Variants in GPC5 observed in about 807,000 individuals in gnomAD.
GPC5 encodes the protein glypican-5.
GPC5 carries 47 observed loss-of-function variants against 53.9 expected under a neutral mutation model. The ratio of observed to expected loss-of-function variants is 0.87; its 90% CI spans 0.69 to 1.11. The LOEUF (loss-of-function observed/expected upper bound fraction) is 1.11, where lower values mean the gene tolerates loss of function less well. GPC5 is among the 50% of genes most tolerant of loss of function. The pLI, the probability that GPC5 is intolerant of heterozygous loss-of-function variation, is 0.00. For missense variants in GPC5, 748 were observed against 713.1 expected (o/e 1.05, Z -0.56); for synonymous variants, 286 against 263.3 (o/e 1.09, Z -0.84).
At chr13:91,749,819 T>C (rs1020126591) in intron 4 of GPC5, among the ~76,000 whole-genome samples, 2 of 152,218 alleles carry the variant, frequency 1.3e-5, no homozygotes, top group Non-Finnish European at 2.9e-5. Flanking sequence ...GGAAGTGGTA[T>C]TTTTTGGAGA....
chr13:91,999,248 G>A (rs1186224907), intron 6 of GPC5, among the ~76,000 whole-genome samples: 1 of 151,674 alleles, frequency 6.6e-6, no homozygotes, highest in African/African-American at 2.4e-5. Flanking sequence ...CTCCAGTAAA[G>A]CTTAATGCAG....
intron 7 of GPC5, among the ~76,000 whole-genome samples, chr13:92,277,592 A>C (rs1198487934): frequency 6.6e-6 from 1 of 152,034 alleles, no homozygotes; most frequent in Admixed American, 6.6e-5. Context: ...AAAGATCAAT[A>C]GAATAAGAAT....
intron 2 of GPC5, among the ~76,000 whole-genome samples, chr13:91,477,132 A>G (rs1475795089): frequency 6.6e-6 from 1 of 152,120 alleles, no homozygotes; most frequent in Non-Finnish European, 1.5e-5. Context: ...TATGGTTTTA[A>G]TTTTTATTTT....
At chr13:92,638,433 G>C (rs776315137) in intron 7 of GPC5, among the ~76,000 whole-genome samples, 2 of 152,126 alleles carry the variant, frequency 1.3e-5, no homozygotes, top group Non-Finnish European at 2.9e-5. Flanking sequence ...GGTCCAGAGT[G>C]AGAAGACAGT....
At chr13:92,233,800 C>T (rs1243665548) in intron 7 of GPC5, among the ~76,000 whole-genome samples, 1 of 151,688 alleles carries the variant, frequency 6.6e-6, no homozygotes, top group East Asian at 1.9e-4. Flanking sequence ...AAATGCTATC[C>T]CTCCCCACTC....
At chr13:91,918,670 A>G (rs1385249581) in intron 6 of GPC5, among the ~76,000 whole-genome samples, 1 of 152,138 alleles carries the variant, frequency 6.6e-6, no homozygotes, top group African/African-American at 2.4e-5. Flanking sequence ...TCTTTTCAGA[A>G]ACCAATAGCC....
chr13:92,495,232 T>C (rs1310024359), intron 7 of GPC5, among the ~76,000 whole-genome samples: 2 of 152,232 alleles, frequency 1.3e-5, no homozygotes, highest in Non-Finnish European at 2.9e-5. Context: ...CTGTCTTTCC[T>C]CTCTGGCTTC....
chr13:92,378,086 T>G (rs550472883), intron 7 of GPC5, among the ~76,000 whole-genome samples: 13 of 152,104 alleles, frequency 8.5e-5, no homozygotes, highest in Non-Finnish European at 1.6e-4. Context: ...AGTTTGAAAA[T>G]ATAGCCACCA....
intron 7 of GPC5, among the ~76,000 whole-genome samples, chr13:92,424,780 T>A (rs1183296629): frequency 1.3e-5 from 2 of 152,024 alleles, no homozygotes; most frequent in African/African-American, 4.8e-5. Flanking sequence ...TTCACTGTCA[T>A]TTCTATAGTT....
chr13:92,363,900 A>G (rs2043588070), intron 7 of GPC5, among the ~76,000 whole-genome samples: 1 of 151,778 alleles, frequency 6.6e-6, no homozygotes, highest in South Asian at 2.1e-4. Flanking sequence ...GTAGAGCTGA[A>G]AAAGATGATT....
At chr13:92,539,354 A>T (rs886314231) in intron 7 of GPC5, among the ~76,000 whole-genome samples, 5 of 151,942 alleles carry the variant, frequency 3.3e-5, no homozygotes, top group Admixed American at 2.0e-4. Flanking sequence ...CTTTTTAATG[A>T]TCGCCACTCT....
At position 91,963,517 on chromosome 13, in the gene GPC5, C is replaced by A. The variant is rs961288140; in HGVS notation, c.1401+55460C>A. 2.0e-5 allele frequency among the ~76,000 whole-genome samples: 3 copies of A among 152,082 alleles called. No homozygotes were observed. In the East Asian group the frequency reaches 5.8e-4, roughly 29 times the overall value. ...CATTTGTTTTGGAAGGCCTGAACAA[C>A]CTTGGTATCTATTGTTGGAAGTGTA... is the stretch of plus-strand genomic sequence containing the variant. On this transcript the variant is annotated intron_variant, in intron 6 of 7. Transcript: ENST00000377067.
intron 2 of GPC5, among the ~76,000 whole-genome samples, chr13:91,494,050 T>TA (rs1340732271): frequency 8.6e-5 from 13 of 151,698 alleles, no homozygotes; most frequent in African/African-American, 3.1e-4. Flanking sequence ...ATTTTTTTTT[T>TA]ATTTTTTATT....
At chr13:91,696,378 A>G (rs1475006935) in intron 3 of GPC5, among the ~76,000 whole-genome samples, 1 of 152,184 alleles carries the variant, frequency 6.6e-6, no homozygotes, top group African/African-American at 2.4e-5. Context: ...TCTAAATAAA[A>G]CAACTGAGTC....
chr13:92,292,046 G>A (rs1274196286), intron 7 of GPC5, among the ~76,000 whole-genome samples: 11 of 152,172 alleles, frequency 7.2e-5, no homozygotes, highest in East Asian at 1.9e-4. Context: ...CACCAATTCC[G>A]GACACATATA....
At chr13:91,524,436 T>A (rs951312823) in intron 2 of GPC5, among the ~76,000 whole-genome samples, 23 of 152,252 alleles carry the variant, frequency 1.5e-4, no homozygotes, top group African/African-American at 3.4e-4. Context: ...ACCTATATAT[T>A]TTTTTAAATT....
chr13:92,330,119 C>T (rs896080434), intron 7 of GPC5, among the ~76,000 whole-genome samples: 1 of 152,142 alleles, frequency 6.6e-6, no homozygotes, highest in African/African-American at 2.4e-5. Context: ...GGAATAACAT[C>T]AATCACCATT....
intron 7 of GPC5, among the ~76,000 whole-genome samples, chr13:92,722,932 GA>G (rs1888543830): frequency 6.6e-6 from 1 of 151,724 alleles, no homozygotes; most frequent in South Asian, 2.1e-4. Context: ...TCACCATTGT[GA>G]ATTTTAAACT....
chr13:91,776,882 C>A (rs2037719187), intron 5 of GPC5, among the ~76,000 whole-genome samples: 1 of 152,170 alleles, frequency 6.6e-6, no homozygotes, highest in South Asian at 2.1e-4. Context: ...CAGTGCCTGT[C>A]ATCATGCAAC....
Sources: gnomAD v4.1 joint callset for allele counts (sites outside exome capture counted in the v4.1 genomes callset) on GRCh38, gnomAD v4.1.1 for gene constraint, MANE v1.5 for transcripts, NCBI Gene and HGNC (gene_info 2026-07-23, HGNC 2026-07-21) for gene names.